Variants in ARHGAP6 observed in about 807,000 individuals in gnomAD.
ARHGAP6 encodes rho GTPase-activating protein 6.
A neutral mutation model predicts 55.7 loss-of-function variants in ARHGAP6; 16 were observed. The observed-to-expected ratio is 0.29, with a 90% CI of 0.19 to 0.44. ARHGAP6 has a LOEUF of 0.44. Ranked by LOEUF, ARHGAP6 falls within the 20% of genes least tolerant of loss-of-function variation. ARHGAP6 has a pLI of 1.00. For missense variants in ARHGAP6, 698 were observed against 808.9 expected (o/e 0.86, Z 1.66); for synonymous variants, 382 against 360.9 (o/e 1.06, Z -0.66).
intron 1 of ARHGAP6, among the ~76,000 whole-genome samples, chrX:11,306,726 T>A (rs1011238264): frequency 1.4e-4 from 16 of 112,571 alleles, no homozygotes; most frequent in Non-Finnish European, 2.4e-4. Context: ...TCTATAGCTA[T>A]TTTTAATGGC....
At chrX:11,254,854 CT>C in intron 1 of ARHGAP6, 147 bp from the exon 2 acceptor site, 1 of 691,639 alleles carries the variant, frequency 1.4e-6, no homozygotes, top group Non-Finnish European at 2.0e-6. Flanking sequence ...GTCAAATCCT[CT>C]TTTAGTTCAC....
In ARHGAP6 at chrX:11,664,597, G is replaced by A. The variant is rs370464406; in HGVS notation, c.232C>T (p.Arg78Cys). The change falls in exon 1 of 13, where the codon CGC becomes TGC. Residue 78 changes from arginine (R) to cysteine (C), a missense_variant. Physicochemically the swap from Arg to Cys is radical, Grantham distance 180. Coordinates refer to ENST00000337414, the MANE Select transcript of ARHGAP6 (RefSeq NM_013427.3). The part of the protein sequence containing the change: ...PSLPAESLGP[R>C]LASSSRGPPP... ...GGACCCCGGGAAGAGGACGCCAAGCGAGGGCCGAGACTCTCGGCTGGGAGT... is the reference window on the plus strand; with the variant it reads ...GGACCCCGGGAAGAGGACGCCAAGCAAGGGCCGAGACTCTCGGCTGGGAGT... 7.7e-6 allele frequency: 9 copies of A among 1,174,219 alleles called. No homozygotes were observed. In the African/African-American group the frequency reaches 1.4e-4, roughly 18 times the overall value.
rs1441136932 is a variant in ARHGAP6 at position 11,426,715 on chromosome X, T to C, written c.589-172008A>G. On this transcript the variant is annotated intron_variant, in intron 1 of 12. Coordinates refer to ENST00000337414, the MANE Select transcript of ARHGAP6 (RefSeq NM_013427.3). The stretch of plus-strand genomic sequence containing the variant: ...AGTAGTCATTCCTCAGAAACAACTT[T>C]CCTTTTTTCCTTCTTTCCTTTCTTT... Among the ~76,000 whole-genome samples the C allele has an allele frequency of 3.6e-5, 4 of 110,230 alleles. No individual in the cohort carries two copies. In the Admixed American group the frequency reaches 3.9e-4, roughly 11 times the overall value.
chrX:11,206,875 CAT>C (rs979414633), intron 2 of ARHGAP6, among the ~76,000 whole-genome samples: 16 of 111,565 alleles, frequency 1.4e-4, no homozygotes, highest in African/African-American at 4.9e-4. Context: ...CACGTAATCA[CAT>C]GTTTCTCATG....
chrX:11,292,362 C>T (rs2048009682), intron 1 of ARHGAP6, among the ~76,000 whole-genome samples: 1 of 111,200 alleles, frequency 9.0e-6, no homozygotes, highest in African/African-American at 3.3e-5. Flanking sequence ...TGTGTTATAC[C>T]AAGGTAGAGG....
intron 7 of ARHGAP6, among the ~76,000 whole-genome samples, chrX:11,178,712 C>G (rs2046270420): frequency 8.9e-6 from 1 of 112,299 alleles, no homozygotes; most frequent in South Asian, 3.7e-4. Flanking sequence ...AACCAAGATA[C>G]AGCAAAGCCA....
intron 10 of ARHGAP6, chrX:11,148,649 G>A (rs1429996151): frequency 5.4e-6 from 2 of 372,934 alleles, no homozygotes; most frequent in African/African-American, 5.1e-5. Context: ...GTCCCTCCAG[G>A]TCAGGGCGTA....
intron 1 of ARHGAP6, among the ~76,000 whole-genome samples, chrX:11,491,459 C>T (rs924869253): frequency 1.8e-5 from 2 of 109,066 alleles, no homozygotes; most frequent in African/African-American, 3.4e-5. Flanking sequence ...TGAGAATATG[C>T]GGTGTCTGGT....
At chrX:11,572,711 G>C (rs2051539562) in intron 1 of ARHGAP6, among the ~76,000 whole-genome samples, 1 of 111,855 alleles carries the variant, frequency 8.9e-6, no homozygotes, top group Non-Finnish European at 1.9e-5. Context: ...CCCAGTAATG[G>C]GAAGGCTGGG....
chrX:11,181,927 T>C, intron 6 of ARHGAP6, 136 bp downstream of exon 6: 1 of 478,298 alleles, frequency 2.1e-6, no homozygotes, highest in African/African-American at 2.5e-5. Context: ...TGGAATTCAA[T>C]TATATTATAA....
At chrX:11,537,335 G>C (rs1341185203) in intron 1 of ARHGAP6, among the ~76,000 whole-genome samples, 1 of 111,808 alleles carries the variant, frequency 8.9e-6, no homozygotes, top group African/African-American at 3.3e-5. Flanking sequence ...AGTGGGCAGA[G>C]ACCAAGGTTG....
At chrX:11,249,091 A>G (rs1310856329) in intron 2 of ARHGAP6, among the ~76,000 whole-genome samples, 1 of 112,148 alleles carries the variant, frequency 8.9e-6, no homozygotes, top group Non-Finnish European at 1.9e-5. Context: ...CTACTCAGCC[A>G]TAAGAAGGAA....
chrX:11,266,033 CTGTGTGTGTG>C lies in ARHGAP6; in HGVS notation c.589-11336_589-11327del, dbSNP rs56408947. 192 of 168,320 alleles carry C rather than the reference CTGTGTGTGTG, an allele frequency of 1.1e-3. 1 individual carries two copies. The highest frequency in any genetic ancestry group is 5.8e-3 in the African/African-American group (89 of 15,402). 13.9% of individuals were successfully genotyped at this position (168,320 alleles called of 1,213,427 possible). Reference sequence around the variant, plus strand: ...TGCGTGTGTTTGTATGCGTGTGTGCCTGTGTGTGTGTGTGTGTGTGTGTGTGTGTGTGTGT... The same window carrying C: ...TGCGTGTGTTTGTATGCGTGTGTGCCTGTGTGTGTGTGTGTGTGTGTGTGT... On this transcript the variant is annotated intron_variant, in intron 1 of 12. Transcript: ENST00000337414.
intron 2 of ARHGAP6, among the ~76,000 whole-genome samples, chrX:11,249,820 T>TTA (rs2047399789): frequency 8.9e-6 from 1 of 112,258 alleles, no homozygotes; most frequent in Non-Finnish European, 1.9e-5. Context: ...TCTATTTTTT[T>TTA]AAAATGTAGT....
intron 1 of ARHGAP6, among the ~76,000 whole-genome samples, chrX:11,300,934 T>G (rs1489360238): frequency 8.9e-6 from 1 of 112,001 alleles, no homozygotes; most frequent in Non-Finnish European, 1.9e-5. Context: ...TTATACTGTC[T>G]CAAATCTTTT....
At chrX:11,522,003 G>A (rs756518935) in intron 1 of ARHGAP6, among the ~76,000 whole-genome samples, 4 of 111,286 alleles carry the variant, frequency 3.6e-5, no homozygotes, top group African/African-American at 9.8e-5. Context: ...TTTGCACGTC[G>A]ATTTTGTATC....
At chrX:11,354,278 T>C (rs1464898559) in intron 1 of ARHGAP6, among the ~76,000 whole-genome samples, 1 of 80,672 alleles carries the variant, frequency 1.2e-5, no homozygotes, top group East Asian at 4.4e-4. Flanking sequence ...TCTCTCTCTC[T>C]CTCTCTCTCT....
chrX:11,261,975 CT>C (rs773259548), intron 1 of ARHGAP6, among the ~76,000 whole-genome samples: 2 of 111,924 alleles, frequency 1.8e-5, no homozygotes, highest in African/African-American at 6.5e-5. Context: ...AATAAGTCTG[CT>C]GTTAAGCCCA....
chrX:11,643,974 C>T (rs1193238116), intron 1 of ARHGAP6, among the ~76,000 whole-genome samples: 1 of 111,911 alleles, frequency 8.9e-6, no homozygotes. Flanking sequence ...AACCAGACTA[C>T]ACAAACCTAC....
Sources: gnomAD v4.1 joint callset for allele counts (sites outside exome capture counted in the v4.1 genomes callset) on GRCh38, gnomAD v4.1.1 for gene constraint, MANE v1.5 for transcripts, NCBI Gene and HGNC (gene_info 2026-07-23, HGNC 2026-07-21) for gene names.